NLRP11: variants seen among roughly 807,000 people sequenced by gnomAD.
NLRP11 encodes NLR family pyrin domain containing 11, also known as NACHT, LRR and PYD domains-containing protein 11.
NLRP11 carries 53 observed loss-of-function variants against 79.3 expected under a neutral mutation model. That is an observed-to-expected ratio of 0.67 (90% CI 0.54 to 0.84). The LOEUF is 0.84. NLRP11 is among the 40% of genes least tolerant of loss of function. The pLI, the probability that NLRP11 is intolerant of heterozygous loss-of-function variation, is 0.00. For synonymous variants in NLRP11, 518 were observed against 462.6 expected, an observed-to-expected ratio of 1.12 and a Z score of -1.54; for missense variants, 1,264 against 1,255.0, an observed-to-expected ratio of 1.01 and a Z score of -0.11.
At chr19:55,797,503 A>G (rs747233701) in intron 5 of NLRP11, among the ~76,000 whole-genome samples, 34 of 152,198 alleles carry the variant, frequency 2.2e-4, no homozygotes, top group African/African-American at 6.3e-4. Flanking sequence ...GAAAACTGGA[A>G]GAAATACGAT....
chr19:55,810,240 C>A, exon 3 of NLRP11: 1 of 1,614,016 alleles, frequency 6.2e-7, no homozygotes, highest in Non-Finnish European at 8.5e-7. Context: ...TCTGACGAAA[C>A]GTCACGAAAA....
chr19:55,790,216 G>A (rs1362394120), intron 7 of NLRP11, among the ~76,000 whole-genome samples: 2 of 152,156 alleles, frequency 1.3e-5, no homozygotes, highest in Non-Finnish European at 2.9e-5. Context: ...AATTAAAAAA[G>A]TTTCCATAGC....
intron 5 of NLRP11, among the ~76,000 whole-genome samples, chr19:55,796,633 T>A (rs1346265218): frequency 6.6e-6 from 1 of 152,168 alleles, no homozygotes; most frequent in African/African-American, 2.4e-5. Flanking sequence ...GGACTTCTGA[T>A]GTTTTTTCTG....
chr19:55,827,739 T>G (rs1982369005), intron 1 of NLRP11, among the ~76,000 whole-genome samples: 1 of 151,690 alleles, frequency 6.6e-6, no homozygotes, highest in Admixed American at 6.6e-5. Context: ...CCAGTTAGAA[T>G]GGTGATCATT....
intron 1 of NLRP11, among the ~76,000 whole-genome samples, 153 bp from the exon 2 acceptor site, chr19:55,818,389 C>G (rs1981353539): frequency 6.6e-6 from 1 of 152,106 alleles, no homozygotes; most frequent in African/African-American, 2.4e-5. Context: ...GGGTCAATGG[C>G]CTTGTCGACT....
intron 2 of NLRP11, among the ~76,000 whole-genome samples, chr19:55,810,707 A>G (rs541778803): frequency 6.6e-6 from 1 of 152,326 alleles, no homozygotes; most frequent in Admixed American, 6.5e-5. Flanking sequence ...CATGTTAGCC[A>G]GGCTGGTTTC....
At chr19:55,835,874 A>G (rs868070807), upstream of NLRP11, among the ~76,000 whole-genome samples, 1,057 of 110,924 alleles carry the variant, frequency 9.5e-3, 1 homozygote, top group African/African-American at 0.022. Flanking sequence ...CTGTAATCCC[A>G]GCACTTCGGG....
chr19:55,827,487 A>C (rs1004281498), intron 1 of NLRP11, among the ~76,000 whole-genome samples: 58 of 150,912 alleles, frequency 3.8e-4, no homozygotes, highest in Non-Finnish European at 6.5e-4. Flanking sequence ...CAACCTACAA[A>C]ATGGGAGAAA....
chr19:55,829,263 CTT>C (rs1342386745), intron 1 of NLRP11, among the ~76,000 whole-genome samples: 1 of 151,434 alleles, frequency 6.6e-6, no homozygotes, highest in African/African-American at 2.4e-5. Context: ...ATGGAATACT[CTT>C]TAAATCATCC....
chr19:55,785,493 T>TCACA (rs878891245), exon 10 of NLRP11: 15,772 of 420,726 alleles, frequency 0.037, 101 homozygotes, highest in Middle Eastern at 0.057. Flanking sequence ...TGGATCAAGG[T>TCACA]CACACACACA....
intron 5 of NLRP11, among the ~76,000 whole-genome samples, chr19:55,796,475 C>T (rs1978885574): frequency 6.6e-6 from 1 of 152,114 alleles, no homozygotes; most frequent in Admixed American, 6.5e-5. Context: ...GCAGTTCCTT[C>T]CTCTTTTGCA....
rs757854998 is a variant in NLRP11, at chr19:55,792,476, A to C, written c.2343-5T>G. 2.4e-5 allele frequency: 38 copies of C among 1,613,298 alleles called. No homozygotes were observed. The highest frequency in any genetic ancestry group is 1.4e-5 in the Non-Finnish European group (17 of 1,179,444). On this transcript the variant is annotated splice_region_variant and splice_polypyrimidine_tract_variant and intron_variant, in intron 6 of 9. Transcript: ENST00000589093. ...GTGAGACAGCAGAAGACTAACCTGC[A>C]CACAGAGAAGAGTGAGTCAGTGACA...
At chr19:55,795,942 A>C (rs1413632963) in intron 6 of NLRP11, 138 bp downstream of exon 6, 1 of 717,556 alleles carries the variant, frequency 1.4e-6, no homozygotes, top group African/African-American at 1.8e-5. Context: ...ATTAACCCAG[A>C]CCTACTGAAC....
intron 1 of NLRP11, among the ~76,000 whole-genome samples, chr19:55,829,058 A>C (rs1321376486): frequency 6.6e-6 from 1 of 152,256 alleles, no homozygotes; most frequent in Admixed American, 6.5e-5. Flanking sequence ...AGTCAACAGC[A>C]ACTTCCAGCA....
chr19:55,818,454 G>A (rs1981359009), intron 1 of NLRP11, among the ~76,000 whole-genome samples: 1 of 152,158 alleles, frequency 6.6e-6, no homozygotes, highest in African/African-American at 2.4e-5. Context: ...GTGTTAAAAG[G>A]CAACATTCTT....
At chr19:55,801,840 A>C in intron 4 of NLRP11, 101 bp from the exon 5 acceptor site, 5 of 924,586 alleles carry the variant, frequency 5.4e-6, no homozygotes, top group Non-Finnish European at 8.6e-6. Context: ...AAAGATTCTC[A>C]GTGGATTACA....
chr19:55,822,572 G>A (rs1478397636), intron 1 of NLRP11, among the ~76,000 whole-genome samples: 5 of 152,078 alleles, frequency 3.3e-5, no homozygotes, highest in South Asian at 4.1e-4. Context: ...TGCGCGAGCC[G>A]AAGCAGGGCG....
intron 6 of NLRP11, among the ~76,000 whole-genome samples, chr19:55,793,745 C>A (rs143512109): frequency 6.6e-6 from 1 of 151,932 alleles, no homozygotes; most frequent in East Asian, 1.9e-4. Flanking sequence ...TTAAAATGAT[C>A]GGAAAATGTA....
At chr19:55,786,129 G>C (rs1989866726) in intron 9 of NLRP11, among the ~76,000 whole-genome samples, 1 of 152,210 alleles carries the variant, frequency 6.6e-6, no homozygotes, top group Admixed American at 6.5e-5. Flanking sequence ...GCCACTACGT[G>C]CTCAATGCTT....
Sources: allele counts gnomAD v4.1 joint callset (sites outside exome capture counted in the v4.1 genomes callset), GRCh38; gene constraint gnomAD v4.1.1; transcripts MANE v1.5; gene names NCBI Gene and HGNC (gene_info 2026-07-23, HGNC 2026-07-21).